Variants in PSD3 observed in about 807,000 individuals in gnomAD.
PSD3 encodes pleckstrin and Sec7 domain containing 3, also known as PH and SEC7 domain-containing protein 3.
Under a neutral mutation model 105.5 loss-of-function variants are expected in PSD3, and 49 were observed. That is an observed-to-expected ratio of 0.46 (90% CI 0.37 to 0.59). The LOEUF (loss-of-function observed/expected upper bound fraction) is 0.59, where lower values mean the gene tolerates loss of function less well. PSD3 is among the 20% of genes least tolerant of loss of function. The pLI is 0.00. For missense variants in PSD3, 1,561 were observed against 1,263.8 expected, an observed-to-expected ratio of 1.24 and a Z score of -3.57; for synonymous variants, 557 against 457.8, an observed-to-expected ratio of 1.22 and a Z score of -2.77.
At chr8:18,898,468 T>C (rs914119995) in intron 2 of PSD3, among the ~76,000 whole-genome samples, 4 of 152,148 alleles carry the variant, frequency 2.6e-5, no homozygotes, top group Non-Finnish European at 4.4e-5. Context: ...TTTTCCATAC[T>C]TTCACATTCA....
chr8:18,826,998 G>C (rs1014539646), intron 4 of PSD3, among the ~76,000 whole-genome samples: 1 of 151,774 alleles, frequency 6.6e-6, no homozygotes, highest in Non-Finnish European at 1.5e-5. Flanking sequence ...TGGTATGATG[G>C]TTCTGACATT....
chr8:19,071,424 C>T (rs759502416), intron 1 of PSD3, among the ~76,000 whole-genome samples: 2 of 152,156 alleles, frequency 1.3e-5, no homozygotes, highest in East Asian at 3.9e-4. Flanking sequence ...TCCTGCCTAA[C>T]CCTCTTCTGC....
At chr8:18,930,375 A>G (rs1821662151) in intron 2 of PSD3, among the ~76,000 whole-genome samples, 1 of 152,180 alleles carries the variant, frequency 6.6e-6, no homozygotes, top group Non-Finnish European at 1.5e-5. Flanking sequence ...CACTTGTGTT[A>G]TTCATTCCTC....
intron 9 of PSD3, among the ~76,000 whole-genome samples, chr8:18,701,656 T>A (rs1476944784): frequency 6.6e-6 from 1 of 152,222 alleles, no homozygotes; most frequent in African/African-American, 2.4e-5. Flanking sequence ...AGTTCCAAGA[T>A]GTTTAAAGGA....
chr8:18,797,195 T>C (rs1197928898), intron 8 of PSD3, among the ~76,000 whole-genome samples: 2 of 152,182 alleles, frequency 1.3e-5, no homozygotes, highest in African/African-American at 4.8e-5. Context: ...GGAAAACTAA[T>C]ACATAAAACC....
chr8:18,642,538 A>C (rs1443242048), intron 10 of PSD3, among the ~76,000 whole-genome samples: 1 of 152,156 alleles, frequency 6.6e-6, no homozygotes, highest in Non-Finnish European at 1.5e-5. Context: ...TAGCATACTA[A>C]GAAAAATGCT....
At chr8:19,008,436 C>CA (rs1232294768) in intron 1 of PSD3, among the ~76,000 whole-genome samples, 1 of 152,180 alleles carries the variant, frequency 6.6e-6, no homozygotes, top group East Asian at 1.9e-4. Context: ...ATAACACAGT[C>CA]ACGAAGACAG....
chr8:18,584,455 AC>A (rs1431065986), intron 12 of PSD3, among the ~76,000 whole-genome samples: 1 of 152,250 alleles, frequency 6.6e-6, no homozygotes, highest in African/African-American at 2.4e-5. Flanking sequence ...CTTGGCTAGT[AC>A]CATCTTTACA....
intron 1 of PSD3, among the ~76,000 whole-genome samples, chr8:19,005,030 G>A (rs1478295306): frequency 2.6e-5 from 4 of 151,904 alleles, no homozygotes; most frequent in Admixed American, 1.3e-4. Context: ...GAAAATGGAC[G>A]AATACGAGCC....
chr8:18,801,409 G>A, intron 6 of PSD3, 27 bp from the exon 7 acceptor site: 3 of 1,409,172 alleles, frequency 2.1e-6, no homozygotes, highest in South Asian at 1.2e-5. Flanking sequence ...AATTTAAACA[G>A]TGAAATTTTC....
At chr8:18,585,432 C>T (rs1370382964) in intron 12 of PSD3, among the ~76,000 whole-genome samples, 1 of 152,168 alleles carries the variant, frequency 6.6e-6, no homozygotes, top group Non-Finnish European at 1.5e-5. Context: ...ATCCTCCTGC[C>T]TCAGCGTCCT....
At chr8:18,776,208 A>G (rs1023575394) in intron 8 of PSD3, among the ~76,000 whole-genome samples, 11 of 149,818 alleles carry the variant, frequency 7.3e-5, no homozygotes, top group African/African-American at 4.9e-5. Flanking sequence ...CAATGTGTCT[A>G]TTTCCATGCC....
chr8:19,004,737 C>G (rs182418403), intron 1 of PSD3, among the ~76,000 whole-genome samples: 1 of 152,122 alleles, frequency 6.6e-6, no homozygotes. Context: ...TCCCATGTGT[C>G]GTGTGAGGAA....
chr8:18,779,394 A>C (rs1434889397), intron 8 of PSD3, among the ~76,000 whole-genome samples: 2 of 151,442 alleles, frequency 1.3e-5, no homozygotes, highest in South Asian at 2.1e-4. Context: ...CAAAAAAAAA[A>C]CCCAACTCTT....
rs560389045 is a variant in PSD3 at position 18,784,825 on chromosome 8, C to G, written c.2082+14470G>C. Among the ~76,000 whole-genome samples, 23 of 152,244 alleles carry G rather than the reference C, an allele frequency of 1.5e-4. No homozygotes were observed. The East Asian group carries it at 4.3e-3, about 28-fold the overall frequency. On this transcript the variant is annotated intron_variant, in intron 8 of 15. Coordinates refer to ENST00000327040, the MANE Select transcript of PSD3 (RefSeq NM_015310.4). ...ATGTACTTGCCAACCTCAAAGCTCT[C>G]CAAACCCCATACTTTGGGTTTTTAC...
At position 18,821,872 on chromosome 8, in the gene PSD3, CCA is replaced by C. The variant is rs5889830; in HGVS notation, c.1635-16976_1635-16975del. 2.5e-3 allele frequency among the ~76,000 whole-genome samples: 342 copies of C among 137,486 alleles called. 5 individuals are homozygous for C. Among genetic ancestry groups the C allele is most frequent in the African/African-American group, 7.1e-3 (249 of 35,178 alleles). 90.2% of individuals were successfully genotyped at this position (137,486 alleles called of 152,430 possible). A position where few individuals can be genotyped will look rare whatever the true frequency, so the allele number is the denominator to read the frequency against. On this transcript the variant is annotated intron_variant, in intron 4 of 15. Transcript: ENST00000327040. ...ACACATGCACACACATGCACACACA[CCA>C]CACACACACACACACACACACACAC...
chr8:18,677,934 T>C (rs550801848), intron 9 of PSD3, among the ~76,000 whole-genome samples: 230 of 148,150 alleles, frequency 1.6e-3, no homozygotes, highest in African/African-American at 4.6e-3. Context: ...GGTGTGAACC[T>C]GGGAGGCAGA....
At chr8:18,988,005 G>A (rs566169682) in intron 1 of PSD3, among the ~76,000 whole-genome samples, 35 of 150,074 alleles carry the variant, frequency 2.3e-4, no homozygotes, top group South Asian at 8.6e-4. Flanking sequence ...CAATAACACC[G>A]AACAAAACAA....
chr8:18,793,312 A>G (rs1156346777), intron 8 of PSD3, among the ~76,000 whole-genome samples: 2 of 151,904 alleles, frequency 1.3e-5, no homozygotes, highest in Non-Finnish European at 2.9e-5. Context: ...CCTAGAACTT[A>G]AAGTATAATA....
Sources: allele counts gnomAD v4.1 joint callset (sites outside exome capture counted in the v4.1 genomes callset), GRCh38; gene constraint gnomAD v4.1.1; transcripts MANE v1.5; gene names NCBI Gene and HGNC (gene_info 2026-07-23, HGNC 2026-07-21).